Variants in CNTNAP3 observed in about 807,000 individuals in gnomAD.
CNTNAP3 encodes the protein contactin-associated protein-like 3.
Under a neutral mutation model 92.1 loss-of-function variants are expected in CNTNAP3, and 36 were observed. The ratio of observed to expected loss-of-function variants is 0.39; its 90% confidence interval spans 0.30 to 0.52. CNTNAP3 has a LOEUF of 0.52. Ranked by LOEUF, CNTNAP3 falls within the 20% of genes least tolerant of loss-of-function variation. The probability of loss-of-function intolerance (pLI) is 0.76; values close to 1 mark genes in which losing one functional copy is unlikely to be tolerated. For synonymous variants in CNTNAP3, 232 were observed against 422.3 expected (o/e 0.55, Z 5.53); for missense variants, 534 against 1,069.6 (o/e 0.50, Z 6.98).
At chr9:39,108,417 T>C (rs1035922060) in intron 15 of CNTNAP3, among the ~76,000 whole-genome samples, 2 of 152,168 alleles carry the variant, frequency 1.3e-5, no homozygotes, top group South Asian at 4.1e-4. Flanking sequence ...TCGGCAAGAA[T>C]GTACAGAGAG....
At chr9:39,180,263 AT>A (rs139815720) in intron 4 of CNTNAP3, among the ~76,000 whole-genome samples, 93 of 2,260 alleles carry the variant, frequency 0.041, 5 homozygotes, top group East Asian at 0.061. Flanking sequence ...TATTTGAGCT[AT>A]TTTTTTTTTT....
intron 21 of CNTNAP3, chr9:39,085,156 A>G (rs1758497): frequency 0.079 from 9,342 of 118,098 alleles, 691 homozygotes; most frequent in East Asian, 0.15. Flanking sequence ...TTTACAACAG[A>G]TTATGATAGA....
At position 39,069,288 on chromosome 9, in the gene CNTNAP3, A is replaced by G. The variant is rs1425111163; in HGVS notation, c.*4602T>C. On this transcript the variant is annotated 3_prime_UTR_variant, in exon 24 of 24. Transcript: ENST00000297668. ...CTTTGTGAATTTTGCAAAAATGGGG[A>G]CAATTATATGTTTTACCTCATTGGC... Among the ~76,000 whole-genome samples, 12 of 152,206 alleles carry G rather than the reference A, an allele frequency of 7.9e-5. No individual in the cohort carries two copies. Among genetic ancestry groups the G allele is most frequent in the Admixed American group, 6.5e-4 (10 of 15,276 alleles).
intron 17 of CNTNAP3, among the ~76,000 whole-genome samples, chr9:39,102,145 GCAC>G (rs1184358992): frequency 1.3e-5 from 2 of 152,346 alleles, no homozygotes; most frequent in East Asian, 3.9e-4. Flanking sequence ...AGGCGTGGTG[GCAC>G]CTGCGCCTGT....
chr9:39,151,292 T>C (rs10974175), intron 9 of CNTNAP3, among the ~76,000 whole-genome samples: 2,982 of 146,094 alleles, frequency 0.02, 218 homozygotes, highest in South Asian at 0.032. Context: ...CGGTGGCTCA[T>C]GCCTGTAAAC....
Position 39,069,630 on chromosome 9 carries a change from T to C in CNTNAP3, c.*4260A>G, listed in dbSNP as rs1825595392. Among the ~76,000 whole-genome samples the C allele has an allele frequency of 2.0e-5, 3 of 152,426 alleles. No homozygotes were observed. The South Asian group carries it at 6.2e-4, about 32-fold the overall frequency. ...AAAAAAATACCACAGGAAGTAGTGC[T>C]TCAGTACATTTTCCCGACGATATGA... On this transcript the variant is annotated 3_prime_UTR_variant, in exon 24 of 24. Coordinates refer to ENST00000297668, the MANE Select transcript of CNTNAP3 (RefSeq NM_033655.5).
At chr9:39,139,000 A>G in intron 12 of CNTNAP3, among the ~76,000 whole-genome samples, 1 of 152,118 alleles carries the variant, frequency 6.6e-6, no homozygotes, top group East Asian at 1.9e-4. Context: ...GAAGGTTATT[A>G]CCATATATAC....
chr9:39,100,269 T>C lies in CNTNAP3; in HGVS notation c.2756-119A>G, dbSNP rs1826425172. The C allele has an allele frequency of 1.0e-5, 16 of 1,561,910 alleles. No homozygotes were observed. The South Asian group carries it at 1.6e-4, about 15-fold the overall frequency. On this transcript the variant is annotated intron_variant, in intron 17 of 23. Coordinates refer to ENST00000297668, the MANE Select transcript of CNTNAP3 (RefSeq NM_033655.5). ...AATAATCACAATGTGTCAAAAAATT[T>C]TGTGAACATACACAATTTTGAAAAT...
At chr9:39,121,149 C>T (rs934639758) in intron 13 of CNTNAP3, among the ~76,000 whole-genome samples, 126 of 147,184 alleles carry the variant, frequency 8.6e-4, no homozygotes, top group African/African-American at 3.2e-3. Flanking sequence ...AAAAATAACA[C>T]AACGAGAAAT....
chr9:39,129,819 G>A (rs1205555211), intron 13 of CNTNAP3, among the ~76,000 whole-genome samples: 1 of 151,922 alleles, frequency 6.6e-6, no homozygotes, highest in Non-Finnish European at 1.5e-5. Flanking sequence ...ATTAGAAAAT[G>A]AACAACAACA....
chr9:39,081,906 A>G (rs571184853), intron 21 of CNTNAP3, among the ~76,000 whole-genome samples: 30,068 of 143,774 alleles, frequency 0.21, 3,347 homozygotes, highest in East Asian at 0.34. Flanking sequence ...GTGAAACCCC[A>G]TCTCTACTAA....
chr9:39,153,652 A>C (rs1821887427), intron 9 of CNTNAP3, among the ~76,000 whole-genome samples: 1 of 46,006 alleles, frequency 2.2e-5, no homozygotes, highest in Admixed American at 2.2e-4. Context: ...TTTGCCTTCC[A>C]GGTTCAAGCA....
intron 21 of CNTNAP3, among the ~76,000 whole-genome samples, chr9:39,083,019 A>G (rs1825981683): frequency 1.3e-5 from 2 of 151,628 alleles, no homozygotes. Context: ...GACAAACACC[A>G]TAGCACAGAA....
chr9:39,105,533 T>G (rs903173561), intron 15 of CNTNAP3, among the ~76,000 whole-genome samples: 39 of 152,352 alleles, frequency 2.6e-4, no homozygotes, highest in African/African-American at 8.9e-4. Flanking sequence ...CTCTTGAATT[T>G]GTATTCTATT....
At chr9:39,120,234 G>T (rs962101980) in intron 13 of CNTNAP3, among the ~76,000 whole-genome samples, 6 of 152,092 alleles carry the variant, frequency 3.9e-5, no homozygotes, top group African/African-American at 1.4e-4. Flanking sequence ...GCCTGTAAAA[G>T]AACCCTAATT....
intron 11 of CNTNAP3, 29 bp from the exon 12 acceptor site, chr9:39,140,667 A>G (rs1394353704): frequency 6.4e-7 from 1 of 1,562,768 alleles, no homozygotes; most frequent in East Asian, 2.3e-5. Context: ...CATAAGAACC[A>G]GAAAAAATAT....
At chr9:39,116,025 G>T (rs1054876079) in intron 14 of CNTNAP3, among the ~76,000 whole-genome samples, 2 of 152,074 alleles carry the variant, frequency 1.3e-5, no homozygotes, top group East Asian at 3.9e-4. Flanking sequence ...TGTGGCACTC[G>T]GCTGTAATCC....
intron 23 of CNTNAP3, among the ~76,000 whole-genome samples, chr9:39,074,994 T>A (rs1825720198): frequency 6.6e-6 from 1 of 152,220 alleles, no homozygotes; most frequent in Admixed American, 6.5e-5. Flanking sequence ...GGTCTCGATC[T>A]CCTGACCTCA....
intron 21 of CNTNAP3, among the ~76,000 whole-genome samples, chr9:39,079,697 T>C (rs1825885444): frequency 8.3e-6 from 1 of 121,104 alleles, no homozygotes; most frequent in South Asian, 2.7e-4. Flanking sequence ...TTTATTTTGC[T>C]GGTTTAATCA....
Sources: gnomAD v4.1 joint callset for allele counts (sites outside exome capture counted in the v4.1 genomes callset) on GRCh38, gnomAD v4.1.1 for gene constraint, MANE v1.5 for transcripts, NCBI Gene and HGNC (gene_info 2026-07-23, HGNC 2026-07-21) for gene names.